TBC1D5: variants seen among roughly 807,000 people sequenced by gnomAD.
TBC1D5 encodes the protein TBC1 domain family member 5.
In TBC1D5, 75 loss-of-function variants were observed where a neutral mutation model predicts 100.3. That is an observed-to-expected ratio of 0.75 (90% confidence interval 0.62 to 0.91). The LOEUF is 0.91. TBC1D5 is among the 40% of genes least tolerant of loss of function. The pLI is 0.00. For synonymous variants in TBC1D5, 323 were observed against 325.6 expected (o/e 0.99, Z 0.09); for missense variants, 910 against 942.4 (o/e 0.97, Z 0.45).
At chr3:17,434,957 C>G (rs1454069830) in intron 3 of TBC1D5, among the ~76,000 whole-genome samples, 2 of 152,212 alleles carry the variant, frequency 1.3e-5, no homozygotes, top group Non-Finnish European at 2.9e-5. Context: ...TCACCGATCA[C>G]TAGGGCAGGG....
At chr3:17,654,359 A>T (rs562639013) in intron 1 of TBC1D5, among the ~76,000 whole-genome samples, 1 of 152,198 alleles carries the variant, frequency 6.6e-6, no homozygotes, top group Non-Finnish European at 1.5e-5. Context: ...GTAATTAACA[A>T]ATCAGTTTGT....
At chr3:17,385,030 C>T (rs1341798888) in intron 8 of TBC1D5, among the ~76,000 whole-genome samples, 1 of 151,950 alleles carries the variant, frequency 6.6e-6, no homozygotes, top group Non-Finnish European at 1.5e-5. Context: ...ATTTAAAAGT[C>T]CCAAACCCAA....
rs767770009 is a variant in TBC1D5 at position 17,238,156 on chromosome 3, T to C, written c.1588+7A>G. 1.7e-5 allele frequency: 27 copies of C among 1,610,340 alleles called. No individual in the cohort carries two copies. In the South Asian group the frequency reaches 3.0e-4, roughly 18 times the overall value. ...TTTTCTTTAGATTTACTAGTATTTT[T>C]TCCTACCTTTGTTCAATTGCACAGG... On this transcript the variant is annotated splice_region_variant and intron_variant, in intron 17 of 21. Transcript: ENST00000253692.
At chr3:17,217,770 T>G (rs2073829475) in intron 17 of TBC1D5, among the ~76,000 whole-genome samples, 1 of 152,104 alleles carries the variant, frequency 6.6e-6, no homozygotes, top group Admixed American at 6.6e-5. Context: ...TGCAAGTTCC[T>G]TATCAAACAT....
chr3:17,414,314 A>C (rs1326932310), intron 4 of TBC1D5, among the ~76,000 whole-genome samples: 3 of 152,332 alleles, frequency 2.0e-5, no homozygotes, highest in African/African-American at 7.2e-5. Context: ...CCTAAAGTAC[A>C]TGCCAATATT....
chr3:17,531,886 A>T (rs2096231358), intron 2 of TBC1D5, among the ~76,000 whole-genome samples: 1 of 152,210 alleles, frequency 6.6e-6, no homozygotes, highest in Non-Finnish European at 1.5e-5. Flanking sequence ...AAAACCCTAG[A>T]AGAAAACCTA....
At chr3:17,516,657 T>C (rs1050928668) in intron 2 of TBC1D5, among the ~76,000 whole-genome samples, 3 of 152,176 alleles carry the variant, frequency 2.0e-5, no homozygotes, top group Non-Finnish European at 4.4e-5. Context: ...GAGAAAGTAT[T>C]TTTCATTCCT....
At chr3:17,316,209 A>G (rs1364480238) in intron 13 of TBC1D5, among the ~76,000 whole-genome samples, 3 of 152,080 alleles carry the variant, frequency 2.0e-5, no homozygotes, top group Admixed American at 6.5e-5. Context: ...GGAATGAACT[A>G]TAGTTAGAGA....
At chr3:17,698,144 A>C (rs2072460453) in intron 1 of TBC1D5, among the ~76,000 whole-genome samples, 1 of 152,188 alleles carries the variant, frequency 6.6e-6, no homozygotes, top group South Asian at 2.1e-4. Context: ...TTCAAACTAT[A>C]CTACAAGGCT....
At chr3:17,353,614 T>C (rs563486877) in intron 13 of TBC1D5, among the ~76,000 whole-genome samples, 41 of 152,212 alleles carry the variant, frequency 2.7e-4, no homozygotes, top group African/African-American at 9.6e-4. Context: ...ATCTTTTCCT[T>C]CTTTACTCTA....
At chr3:17,247,785 T>C (rs939338978) in intron 16 of TBC1D5, among the ~76,000 whole-genome samples, 2 of 152,360 alleles carry the variant, frequency 1.3e-5, no homozygotes, top group Middle Eastern at 3.4e-3. Flanking sequence ...TTTTAAATGC[T>C]TTGCTGTCAT....
chr3:17,386,009 C>T (rs777033600), intron 8 of TBC1D5, among the ~76,000 whole-genome samples: 12 of 152,042 alleles, frequency 7.9e-5, no homozygotes, highest in Non-Finnish European at 1.8e-4. Flanking sequence ...AAGAAAGTTG[C>T]TAAAGCCCTT....
chr3:17,371,723 A>G (rs1419462147), intron 13 of TBC1D5, among the ~76,000 whole-genome samples: 1 of 152,216 alleles, frequency 6.6e-6, no homozygotes, highest in African/African-American at 2.4e-5. Flanking sequence ...TTTACATATC[A>G]TTAGAAACTA....
At chr3:17,236,513 G>A (rs1185718822) in intron 17 of TBC1D5, among the ~76,000 whole-genome samples, 1 of 149,386 alleles carries the variant, frequency 6.7e-6, no homozygotes, top group Non-Finnish European at 1.5e-5. Context: ...TTGAGATGGA[G>A]TCTGGCTCTG....
intron 18 of TBC1D5, among the ~76,000 whole-genome samples, chr3:17,201,221 C>G (rs564457429): frequency 2.6e-5 from 4 of 152,218 alleles, no homozygotes; most frequent in Non-Finnish European, 5.9e-5. Flanking sequence ...CAACTTCACC[C>G]TCTTTCAGTG....
chr3:17,725,124 C>T (rs1264695145), intron 1 of TBC1D5, among the ~76,000 whole-genome samples: 4 of 152,122 alleles, frequency 2.6e-5, no homozygotes, highest in Non-Finnish European at 2.9e-5. Context: ...GTTTTTGCTG[C>T]CTCTTACTCA....
chr3:17,615,518 C>CT (rs577960194), intron 2 of TBC1D5, among the ~76,000 whole-genome samples: 178 of 151,296 alleles, frequency 1.2e-3, no homozygotes, highest in Non-Finnish European at 2.1e-3. Context: ...TGGTCCTGGA[C>CT]TTTTTTTTTG....
intron 3 of TBC1D5, among the ~76,000 whole-genome samples, chr3:17,483,225 A>G (rs2095520990): frequency 6.6e-6 from 1 of 152,154 alleles, no homozygotes; most frequent in Non-Finnish European, 1.5e-5. Context: ...TAGATAAACC[A>G]TATAAGAACT....
At chr3:17,160,602 C>A in exon 22 of TBC1D5, 2 of 210,756 alleles carry the variant, frequency 9.5e-6, no homozygotes, top group Non-Finnish European at 9.6e-6. Context: ...GATGGAGGTG[C>A]CACACATTCT....
Sources: allele counts gnomAD v4.1 joint callset (sites outside exome capture counted in the v4.1 genomes callset), GRCh38; gene constraint gnomAD v4.1.1; transcripts MANE v1.5; gene names NCBI Gene and HGNC (gene_info 2026-07-23, HGNC 2026-07-21).